The following DLGAP4 variants were observed in gnomAD, a reference collection of about 807,000 sequenced individuals.
DLGAP4 encodes disks large-associated protein 4.
DLGAP4 carries 18 observed loss-of-function variants against 86.9 expected under a neutral mutation model. That is an observed-to-expected ratio of 0.21 (90% CI 0.14 to 0.31). DLGAP4 has a LOEUF of 0.31. DLGAP4 is among the 10% of genes least tolerant of loss of function. The pLI is 1.00. For synonymous variants in DLGAP4, 548 were observed against 574.3 expected (o/e 0.95, Z 0.65); for missense variants, 1,085 against 1,362.6 (o/e 0.80, Z 3.21).
intron 1 of DLGAP4, among the ~76,000 whole-genome samples, chr20:36,357,810 C>T (rs183975501): frequency 6.6e-6 from 1 of 152,298 alleles, no homozygotes; most frequent in East Asian, 1.9e-4. Flanking sequence ...GAAGATTTTC[C>T]ACAGACTTTG....
At chr20:36,400,758 G>T (rs189972507) in intron 2 of DLGAP4, among the ~76,000 whole-genome samples, 1 of 151,872 alleles carries the variant, frequency 6.6e-6, no homozygotes, top group South Asian at 2.1e-4. Context: ...ACTCTGGAGT[G>T]GGGGGAATCT....
chr20:36,449,012 G>A (rs1480118018), intron 7 of DLGAP4, among the ~76,000 whole-genome samples: 2 of 152,180 alleles, frequency 1.3e-5, no homozygotes, highest in African/African-American at 2.4e-5. Context: ...GGTGTTTGAT[G>A]TAAATAAATG....
At chr20:36,381,079 A>G (rs1001116212) in intron 2 of DLGAP4, among the ~76,000 whole-genome samples, 1 of 152,268 alleles carries the variant, frequency 6.6e-6, no homozygotes, top group African/African-American at 2.4e-5. Context: ...GAAAGATTCT[A>G]AGAGATATTT....
chr20:36,496,283 G>A (rs941954008), intron 7 of DLGAP4, among the ~76,000 whole-genome samples: 12 of 152,094 alleles, frequency 7.9e-5, no homozygotes, highest in African/African-American at 2.9e-4. Context: ...GTCTCTCAGT[G>A]ACCTTGAAGA....
At chr20:36,329,110 A>G (rs969145976) in intron 1 of DLGAP4, among the ~76,000 whole-genome samples, 7 of 152,214 alleles carry the variant, frequency 4.6e-5, no homozygotes, top group Admixed American at 3.9e-4. Flanking sequence ...GGGCTTCACC[A>G]TGTTGGGCAG....
At chr20:36,447,550 A>G (rs2033625253) in intron 7 of DLGAP4, among the ~76,000 whole-genome samples, 2 of 152,128 alleles carry the variant, frequency 1.3e-5, no homozygotes, top group Non-Finnish European at 2.9e-5. Context: ...CCTCCCAAGT[A>G]GCTGGAATTA....
intron 7 of DLGAP4, among the ~76,000 whole-genome samples, chr20:36,491,146 C>T (rs574482329): frequency 6.6e-6 from 1 of 150,752 alleles, no homozygotes; most frequent in Non-Finnish European, 1.5e-5. Flanking sequence ...GAGCCAAGAT[C>T]GCACCACTGC....
intron 2 of DLGAP4, among the ~76,000 whole-genome samples, chr20:36,371,028 A>G (rs1055902650): frequency 6.6e-6 from 1 of 152,150 alleles, no homozygotes; most frequent in African/African-American, 2.4e-5. Context: ...TACAAATGAG[A>G]GGACTGAGAC....
intron 7 of DLGAP4, among the ~76,000 whole-genome samples, chr20:36,466,974 C>CCTCT (rs532237646): frequency 2.9e-5 from 4 of 136,580 alleles, no homozygotes; most frequent in African/African-American, 2.8e-5. Flanking sequence ...CTGTCTCTCT[C>CCTCT]CTCTCTCTCT....
At chr20:36,462,639 GCAGGCTGGC>G (rs1220365820) in intron 7 of DLGAP4, 7 of 1,563,398 alleles carry the variant, frequency 4.5e-6, no homozygotes, top group African/African-American at 2.8e-5. Flanking sequence ...GAGTTGGCCC[GCAGGCTGGC>G]CGCGGCCGAG....
At chr20:36,362,116 A>G (rs2147405202) in intron 1 of DLGAP4, among the ~76,000 whole-genome samples, 1 of 151,900 alleles carries the variant, frequency 6.6e-6, no homozygotes, top group African/African-American at 2.4e-5. Flanking sequence ...ACGTGATGAA[A>G]CCCCATCTCT....
At chr20:36,414,954 A>C (rs1442083323) in intron 2 of DLGAP4, among the ~76,000 whole-genome samples, 12 of 152,180 alleles carry the variant, frequency 7.9e-5, no homozygotes, top group Non-Finnish European at 7.3e-5. Context: ...GAACATACCC[A>C]ACCTTTGTTG....
chr20:36,337,641 G>A (rs539164183), intron 1 of DLGAP4, among the ~76,000 whole-genome samples: 7 of 152,242 alleles, frequency 4.6e-5, no homozygotes, highest in African/African-American at 1.7e-4. Context: ...AATTTGCAGC[G>A]GATGCAGTTG....
At chr20:36,442,373 T>C (rs1159822036) in intron 5 of DLGAP4, among the ~76,000 whole-genome samples, 1 of 152,148 alleles carries the variant, frequency 6.6e-6, no homozygotes, top group South Asian at 2.1e-4. Flanking sequence ...TTTGTATTTT[T>C]AGTAGAGATG....
chr20:36,441,538 C>G (rs1370875050), intron 5 of DLGAP4, among the ~76,000 whole-genome samples: 1 of 152,206 alleles, frequency 6.6e-6, no homozygotes, highest in Admixed American at 6.5e-5. Flanking sequence ...TGCTGTCTCC[C>G]TCTTAAAACT....
intron 2 of DLGAP4, among the ~76,000 whole-genome samples, chr20:36,408,008 G>A (rs2032374877): frequency 6.6e-6 from 1 of 152,108 alleles, no homozygotes; most frequent in Admixed American, 6.5e-5. Flanking sequence ...AGTCATGGAA[G>A]TCTGGGACAT....
chr20:36,334,913 G>A (rs1340997432), intron 1 of DLGAP4, among the ~76,000 whole-genome samples: 3 of 152,156 alleles, frequency 2.0e-5, no homozygotes, highest in African/African-American at 4.8e-5. Flanking sequence ...CATGCCTCCC[G>A]CCTGAGCCCG....
intron 1 of DLGAP4, among the ~76,000 whole-genome samples, chr20:36,333,476 C>T (rs528476164): frequency 3.3e-5 from 5 of 152,272 alleles, no homozygotes; most frequent in Admixed American, 2.0e-4. Flanking sequence ...TCCAATGTCG[C>T]CTCCTCTCAG....
intron 1 of DLGAP4, among the ~76,000 whole-genome samples, chr20:36,341,585 G>A (rs1234566341): frequency 6.6e-6 from 1 of 152,250 alleles, no homozygotes; most frequent in Non-Finnish European, 1.5e-5. Context: ...GAAGAACGAC[G>A]TGCAGGGGGC....
Sources: allele counts gnomAD v4.1 joint callset (sites outside exome capture counted in the v4.1 genomes callset), GRCh38; gene constraint gnomAD v4.1.1; transcripts MANE v1.5; gene names NCBI Gene and HGNC (gene_info 2026-07-23, HGNC 2026-07-21).